Variants in CSMD1 observed in about 807,000 individuals in gnomAD.
The protein encoded by CSMD1 is CUB and sushi domain-containing protein 1.
A neutral mutation model predicts 417.5 loss-of-function variants in CSMD1; 213 were observed. The observed-to-expected ratio is 0.51, with a 90% CI of 0.46 to 0.57. The LOEUF (loss-of-function observed/expected upper bound fraction) is 0.57. Among genes scored for constraint, CSMD1 ranks in the 20% least tolerant of loss-of-function variants. CSMD1 has a pLI of 0.00. For synonymous variants in CSMD1, 2,862 were observed against 1,736.8 expected, an observed-to-expected ratio of 1.65 and a Z score of -16.11; for missense variants, 6,923 against 4,529.7, an observed-to-expected ratio of 1.53 and a Z score of -15.17.
intron 34 of CSMD1, among the ~76,000 whole-genome samples, chr8:3,189,289 C>G (rs1414053503): frequency 6.6e-6 from 1 of 152,164 alleles, no homozygotes; most frequent in Non-Finnish European, 1.5e-5. Flanking sequence ...ATGGCATCTC[C>G]AAAGTGAATT....
At chr8:4,198,329 G>T (rs532143608) in intron 3 of CSMD1, among the ~76,000 whole-genome samples, 1 of 152,246 alleles carries the variant, frequency 6.6e-6, no homozygotes, top group East Asian at 1.9e-4. Flanking sequence ...ACAAGAGTAC[G>T]TCATGGTGGA....
At chr8:3,430,867 G>A (rs1042097207) in intron 12 of CSMD1, among the ~76,000 whole-genome samples, 3 of 152,074 alleles carry the variant, frequency 2.0e-5, no homozygotes, top group African/African-American at 4.8e-5. Flanking sequence ...AGGTTCTATT[G>A]TTTACCTTAT....
At chr8:3,946,598 G>A (rs1449077881) in intron 5 of CSMD1, among the ~76,000 whole-genome samples, 2 of 152,048 alleles carry the variant, frequency 1.3e-5, no homozygotes, top group African/African-American at 4.8e-5. Context: ...ATCCTTTTGG[G>A]CTCTTGACTG....
At position 3,184,186 on chromosome 8, in the gene CSMD1, T is replaced by C. The variant is rs540764405; in HGVS notation, c.5621-2972A>G. Among the ~76,000 whole-genome samples, 3 of 152,292 alleles carry C rather than the reference T, an allele frequency of 2.0e-5. No individual in the cohort carries two copies. The South Asian group carries it at 6.2e-4, about 32-fold the overall frequency. ...GGCTCTGTATCATAGGCCTGGGATG[T>C]TCGTTCCTTCTCCTTTGATTCACTT... is the stretch of plus-strand genomic sequence containing the variant. On this transcript the variant is annotated intron_variant, in intron 36 of 69. Coordinates refer to ENST00000635120, the MANE Select transcript of CSMD1 (RefSeq NM_033225.6).
intron 10 of CSMD1, among the ~76,000 whole-genome samples, chr8:3,510,234 G>T (rs1003469779): frequency 2.0e-5 from 3 of 151,796 alleles, no homozygotes; most frequent in Non-Finnish European, 4.4e-5. Context: ...AGAAGTGGCC[G>T]ACTCCTGCCT....
intron 1 of CSMD1, among the ~76,000 whole-genome samples, chr8:4,937,941 G>C (rs1807733329): frequency 1.3e-5 from 2 of 151,988 alleles, no homozygotes; most frequent in African/African-American, 2.4e-5. Flanking sequence ...TCTAAATTTT[G>C]TTTTTATTAA....
At chr8:3,665,960 C>A (rs1798670187) in intron 7 of CSMD1, among the ~76,000 whole-genome samples, 1 of 152,158 alleles carries the variant, frequency 6.6e-6, no homozygotes, top group South Asian at 2.1e-4. Flanking sequence ...TCACTGCAAC[C>A]TCCACCTGCC....
chr8:3,999,755 G>A (rs1226901875), intron 4 of CSMD1, among the ~76,000 whole-genome samples: 1 of 152,118 alleles, frequency 6.6e-6, no homozygotes, highest in African/African-American at 2.4e-5. Context: ...GGTACACTTG[G>A]AGGAAAATTA....
intron 68 of CSMD1, among the ~76,000 whole-genome samples, chr8:2,946,145 G>C (rs1341358790): frequency 6.6e-6 from 1 of 152,290 alleles, no homozygotes; most frequent in Non-Finnish European, 1.5e-5. Flanking sequence ...GTGTCACCAG[G>C]TGTTAGGAAT....
intron 2 of CSMD1, among the ~76,000 whole-genome samples, chr8:4,592,963 A>G (rs763235493): frequency 6.6e-6 from 1 of 152,102 alleles, no homozygotes; most frequent in East Asian, 1.9e-4. Context: ...TTTTCTTTCT[A>G]TATGTGTTTT....
intron 1 of CSMD1, among the ~76,000 whole-genome samples, chr8:4,769,998 T>A (rs1302443443): frequency 6.6e-6 from 1 of 152,026 alleles, no homozygotes; most frequent in East Asian, 1.9e-4. Flanking sequence ...TCTCCCTCCC[T>A]TTTTGCAGAA....
chr8:3,269,963 C>G (rs1337742886), intron 26 of CSMD1, among the ~76,000 whole-genome samples: 1 of 151,470 alleles, frequency 6.6e-6, no homozygotes, highest in African/African-American at 2.4e-5. Flanking sequence ...AAGTTTAGGT[C>G]ACAACCCTAC....
intron 2 of CSMD1, among the ~76,000 whole-genome samples, chr8:4,480,570 T>A (rs1186375218): frequency 6.6e-6 from 1 of 152,182 alleles, no homozygotes; most frequent in Admixed American, 6.5e-5. Flanking sequence ...GTTACTGCAA[T>A]CAGCACGGTT....
At position 3,015,555 on chromosome 8, in the gene CSMD1, C is replaced by A. The variant is rs906763491; in HGVS notation, c.8029+2922G>T. On this transcript the variant is annotated intron_variant, in intron 52 of 69. Transcript: ENST00000635120. ...GTACTTATGAATACCCATCTCATAA[C>A]AATAGTAAACAAAAAAAAGGACCCA... Among the ~76,000 whole-genome samples the A allele has an allele frequency of 7.2e-5, 11 of 151,768 alleles. No individual in the cohort carries two copies. The South Asian group carries it at 2.1e-3, about 29-fold the overall frequency.
In CSMD1 at chr8:4,092,267, C is replaced by A. The variant is rs376368947; in HGVS notation, c.416-60168G>T. On this transcript the variant is annotated intron_variant, in intron 3 of 69. Coordinates refer to ENST00000635120, the MANE Select transcript of CSMD1 (RefSeq NM_033225.6). ...CAGGCAAAACCTCCATTAATTTGTTCCAACCAACTGAGTATGGGAAACCCG... is the reference window on the plus strand; with the variant it reads ...CAGGCAAAACCTCCATTAATTTGTTACAACCAACTGAGTATGGGAAACCCG... Among the ~76,000 whole-genome samples, 13 of 152,214 alleles carry A rather than the reference C, an allele frequency of 8.5e-5. No homozygotes were observed. In the East Asian group the frequency reaches 1.7e-3, roughly 20 times the overall value.
chr8:3,862,917 T>C (rs928900552), intron 5 of CSMD1, among the ~76,000 whole-genome samples: 3 of 152,120 alleles, frequency 2.0e-5, no homozygotes, highest in Non-Finnish European at 2.9e-5. Flanking sequence ...GCAAATTACA[T>C]TTGTCTGGGG....
chr8:3,771,975 T>C (rs1423715725), intron 5 of CSMD1, among the ~76,000 whole-genome samples: 1 of 151,988 alleles, frequency 6.6e-6, no homozygotes, highest in African/African-American at 2.4e-5. Flanking sequence ...AATTACAGCA[T>C]TTATCCAATT....
At chr8:3,844,691 A>C (rs75273837) in intron 5 of CSMD1, among the ~76,000 whole-genome samples, 9,579 of 152,212 alleles carry the variant, frequency 0.063, 885 homozygotes, top group African/African-American at 0.2. Context: ...CGGGAACTGC[A>C]GCCTCACTAG....
intron 5 of CSMD1, among the ~76,000 whole-genome samples, chr8:3,868,665 T>G (rs1382746042): frequency 6.6e-6 from 1 of 152,212 alleles, no homozygotes; most frequent in Non-Finnish European, 1.5e-5. Flanking sequence ...CTCATACCTC[T>G]GCAATCTTTC....
Sources: gnomAD v4.1 joint callset for allele counts (sites outside exome capture counted in the v4.1 genomes callset) on GRCh38, gnomAD v4.1.1 for gene constraint, MANE v1.5 for transcripts, NCBI Gene and HGNC (gene_info 2026-07-23, HGNC 2026-07-21) for gene names.